CYP26C1: variants seen among roughly 807,000 people sequenced by gnomAD.
CYP26C1 encodes cytochrome P450 26C1.
Under a neutral mutation model 39.1 loss-of-function variants are expected in CYP26C1, and 41 were observed. The observed-to-expected ratio is 1.05, with a 90% confidence interval of 0.82 to 1.36. The LOEUF (loss-of-function observed/expected upper bound fraction) is 1.36, where lower values mean the gene tolerates loss of function less well. Ranked by LOEUF, CYP26C1 falls within the 40% of genes most tolerant of loss-of-function variation. The pLI, the probability that CYP26C1 is intolerant of heterozygous loss-of-function variation, is 0.00. For missense variants in CYP26C1, 833 were observed against 752.0 expected (o/e 1.11, Z -1.26); for synonymous variants, 362 against 350.8 (o/e 1.03, Z -0.36).
In CYP26C1 at chr10:93,068,595, C is replaced by G. The variant is rs771586164; in HGVS notation, c.1467C>G (p.Phe489Leu). 10 of 1,597,662 alleles carry G rather than the reference C, an allele frequency of 6.3e-6. No homozygotes were observed. The highest frequency in any genetic ancestry group is 6.8e-6 in the Non-Finnish European group (8 of 1,172,890). The change falls in exon 6 of 6, where the codon TTC becomes TTG. Residue 489 changes from phenylalanine (F) to leucine (L), a missense_variant. Physicochemically the swap from Phe to Leu is conservative, Grantham distance 22 (BLOSUM62 0). Transcript: ENST00000651965. ...GCTGGGAACTGGCCACACCCGCCTT[C>G]CCCGCCATGCAGACGGTGCCCATCG... ...TARWELATPA[F>L]PAMQTVPIVH...
chr10:93,062,246 CG>C lies in CYP26C1; in HGVS notation c.429+15del. 2 of 1,514,214 alleles carry C rather than the reference CG, an allele frequency of 1.3e-6. No individual in the cohort carries two copies. The highest frequency in any genetic ancestry group is 1.8e-6 in the Non-Finnish European group (2 of 1,134,972). The allele number at this position is 1,514,214 out of a possible 1,614,324, so 93.8% of individuals were successfully genotyped here. A position where few individuals can be genotyped will look rare whatever the true frequency, so the allele number is the denominator to read the frequency against. On this transcript the variant is annotated intron_variant, in intron 2 of 5. Coordinates refer to ENST00000651965, the MANE Select transcript of CYP26C1 (RefSeq NM_183374.3). Reference sequence around the variant, plus strand: ...GGCGGCGGCGCAAGGTGAGTGGAAACGGGAATGGACCGTAGATACGTCGGAT... The same window carrying C: ...GGCGGCGGCGCAAGGTGAGTGGAAACGGAATGGACCGTAGATACGTCGGAT...
Position 93,068,364 on chromosome 10 carries a change from G to A in CYP26C1, c.1236G>A (p.Arg412=), listed in dbSNP as rs1426479990. 1.9e-6 allele frequency: 3 copies of A among 1,568,402 alleles called. No homozygotes were observed. Among genetic ancestry groups the A allele is most frequent in the Non-Finnish European group, 2.6e-6 (3 of 1,159,984 alleles). The change falls in exon 6 of 6, where the codon CGG becomes CGA. Residue 412 remains arginine, a synonymous_variant. Transcript: ENST00000651965. ...PKGWSVMYSI[R]DTHETAAVYR... Reference sequence around the variant, plus strand: ...GCTGGAGCGTGATGTATAGCATCCGGGACACGCACGAGACGGCTGCGGTGT... The same window carrying A: ...GCTGGAGCGTGATGTATAGCATCCGAGACACGCACGAGACGGCTGCGGTGT...
chr10:93,062,266 G>A (rs1320513183), intron 2 of CYP26C1, 32 bp downstream of exon 2: 2 of 1,492,996 alleles, frequency 1.3e-6, no homozygotes, highest in Non-Finnish European at 1.8e-6. Context: ...CCGTAGATAC[G>A]TCGGATCCGC....
chr10:93,062,612 C>T (rs1362568701), intron 2 of CYP26C1, 108 bp from the exon 3 acceptor site: 1 of 1,047,508 alleles, frequency 9.5e-7, no homozygotes, highest in Non-Finnish European at 1.3e-6. Context: ...TAGGTCTGGG[C>T]CGCTTGGAAG....
rs1010637930 is a variant in CYP26C1, at chr10:93,067,906, T to C, written c.1192-414T>C. ...CTCGAGGAATTGTCATGTGCATTTTTCCCACTCTAGCAGCTGGGAGGTGTA... is the reference window on the plus strand; with the variant it reads ...CTCGAGGAATTGTCATGTGCATTTTCCCCACTCTAGCAGCTGGGAGGTGTA... On this transcript the variant is annotated intron_variant, in intron 5 of 5. Transcript: ENST00000651965. Among the ~76,000 whole-genome samples, 15 of 152,202 alleles carry C rather than the reference T, an allele frequency of 9.9e-5. 1 individual carries two copies. The highest frequency in any genetic ancestry group is 9.8e-4 in the Admixed American group (15 of 15,286).
At chr10:93,067,932 G>A (rs953040913) in intron 5 of CYP26C1, among the ~76,000 whole-genome samples, 2 of 152,146 alleles carry the variant, frequency 1.3e-5, no homozygotes, top group African/African-American at 4.8e-5. Context: ...GGGAGGTGTA[G>A]CACTAGAATT....
intron 1 of CYP26C1, 133 bp from the exon 2 acceptor site, chr10:93,061,877 C>G: frequency 1.2e-6 from 1 of 807,252 alleles, no homozygotes; most frequent in Non-Finnish European, 2.0e-6. Context: ...ATACCAGGCC[C>G]ACTGGGGATC....
chr10:93,062,851 G>T lies in CYP26C1; in HGVS notation c.561G>T (p.Ala187=). 1 of 1,598,128 alleles carries T rather than the reference G, an allele frequency of 6.3e-7. No individual in the cohort carries two copies. The highest frequency in any genetic ancestry group is 8.5e-7 in the Non-Finnish European group (1 of 1,177,270). ...GPVSVYDASK[A]LTFRMAARIL... Reference sequence around the variant, plus strand: ...TCTCAGTCTACGACGCCTCCAAAGCGCTCACCTTCCGCATGGCCGCGCGCA... The same window carrying T: ...TCTCAGTCTACGACGCCTCCAAAGCTCTCACCTTCCGCATGGCCGCGCGCA... The change falls in exon 3 of 6, where the codon GCG becomes GCT. Residue 187 remains alanine, a synonymous_variant. Transcript: ENST00000651965.
chr10:93,067,884 G>A (rs1204555663), intron 5 of CYP26C1, among the ~76,000 whole-genome samples: 1 of 152,164 alleles, frequency 6.6e-6, no homozygotes, highest in Non-Finnish European at 1.5e-5. Context: ...AACTGACCTC[G>A]AGGAATTGTC....
At chr10:93,063,398 C>G in intron 3 of CYP26C1, 3 of 1,004,352 alleles carry the variant, frequency 3.0e-6, no homozygotes, top group Non-Finnish European at 3.6e-6. Context: ...CCGAGGAGAG[C>G]GTGAGGGCTG....
At position 93,068,695 on chromosome 10, in the gene CYP26C1, T is replaced by C. The variant is rs142461768; in HGVS notation, c.1567T>C (p.Ter523ArgextTer27). The change falls in exon 6 of 6, where the codon TGA becomes CGA. Residue 523 changes from the stop codon to arginine (R), a stop_lost. Coordinates refer to ENST00000651965, the MANE Select transcript of CYP26C1 (RefSeq NM_183374.3). ...PSVAGNGLCL[*>R] ...GGTTGCGGGGAATGGGCTATGCCTC[T>C]GACATGCTTGCGCTCTAGGACACGG... The C allele has an allele frequency of 2.2e-5, 34 of 1,539,732 alleles. No homozygotes were observed. The highest frequency in any genetic ancestry group is 2.7e-5 in the Non-Finnish European group (31 of 1,140,142).
chr10:93,064,631 C>G (rs1846800043), intron 4 of CYP26C1, 95 bp downstream of exon 4: 10 of 1,515,486 alleles, frequency 6.6e-6, no homozygotes, highest in Non-Finnish European at 8.0e-6. Flanking sequence ...CTTGTGTGGC[C>G]CCACTTTGAG....
At chr10:93,063,221 T>A in intron 3 of CYP26C1, 4 of 1,251,722 alleles carry the variant, frequency 3.2e-6, no homozygotes, top group Non-Finnish European at 4.0e-6. Flanking sequence ...CCACACGACC[T>A]CCGTGGGACG....
At position 93,068,359 on chromosome 10, in the gene CYP26C1, A is replaced by G; in HGVS notation, c.1231A>G (p.Ile411Val). 6.4e-7 allele frequency: 1 copy of G among 1,564,494 alleles called. No homozygotes were observed. Among genetic ancestry groups the G allele is most frequent in the Non-Finnish European group, 8.6e-7 (1 of 1,157,870 alleles). The change falls in exon 6 of 6, where the codon ATC becomes GTC. Residue 411 changes from isoleucine to valine, a missense_variant. Ile to Val is a conservative substitution (Grantham distance 29). Coordinates refer to ENST00000651965, the MANE Select transcript of CYP26C1 (RefSeq NM_183374.3). ...CAAGGGCTGGAGCGTGATGTATAGC[A>G]TCCGGGACACGCACGAGACGGCTGC... The part of the protein sequence containing the change: ...IPKGWSVMYS[I>V]RDTHETAAVY...
Position 93,063,004 on chromosome 10 carries a change from G to A in CYP26C1, c.705+9G>A. On this transcript the variant is annotated intron_variant, in intron 3 of 5. Coordinates refer to ENST00000651965, the MANE Select transcript of CYP26C1 (RefSeq NM_183374.3). ...TCAGTGGCCTACGCAAGGTACGGCC[G>A]CCCCGGCTCCAGACCTTCCTCCGAG... The A allele has an allele frequency of 1.3e-6, 2 of 1,547,986 alleles. No homozygotes were observed. The highest frequency in any genetic ancestry group is 1.2e-5 in the South Asian group (1 of 85,188).
In CYP26C1 at chr10:93,062,842, C is replaced by G. The variant is rs994508485; in HGVS notation, c.552C>G (p.Ala184=). The G allele has an allele frequency of 6.3e-7, 1 of 1,593,098 alleles. No individual in the cohort carries two copies. Among genetic ancestry groups the G allele is most frequent in the South Asian group, 1.1e-5 (1 of 89,804 alleles). Residue 184 remains alanine (A), a synonymous_variant, in exon 3 of 6, where the codon GCC becomes GCG. Coordinates refer to ENST00000651965, the MANE Select transcript of CYP26C1 (RefSeq NM_183374.3). The part of the protein sequence containing the change: ...AAGGPVSVYD[A]SKALTFRMAA... Reference sequence around the variant, plus strand: ...GCGGGCCGGTCTCAGTCTACGACGCCTCCAAAGCGCTCACCTTCCGCATGG... The same window carrying G: ...GCGGGCCGGTCTCAGTCTACGACGCGTCCAAAGCGCTCACCTTCCGCATGG...
Position 93,064,375 on chromosome 10 carries a change from C to T in CYP26C1, c.706-6C>T, listed in dbSNP as rs1339566155. ...GCCCCATCTTTCTTCTCTCCCTGAA[C>T]ATCAGGGCATCCGGGCAAGGGACCA... On this transcript the variant is annotated splice_polypyrimidine_tract_variant and splice_region_variant and intron_variant, in intron 3 of 5. Transcript: ENST00000651965. 1 of 1,612,096 alleles carries T rather than the reference C, an allele frequency of 6.2e-7. No individual in the cohort carries two copies. The highest frequency in any genetic ancestry group is 1.7e-4 in the Middle Eastern group (1 of 6,048).
intron 5 of CYP26C1, 63 bp downstream of exon 5, chr10:93,066,348 TGCCGCC>T: frequency 6.5e-6 from 8 of 1,233,630 alleles, no homozygotes; most frequent in Non-Finnish European, 8.1e-6. Flanking sequence ...GCCTGCCGCC[TGCCGCC>T]TGCCGCGGCG....
Position 93,066,040 on chromosome 10 carries a change from C to A in CYP26C1, c.946C>A (p.Pro316Thr). 1 of 1,541,062 alleles carries A rather than the reference C, an allele frequency of 6.5e-7. No individual in the cohort carries two copies. Among genetic ancestry groups the A allele is most frequent in the Admixed American group, 2.0e-5 (1 of 50,948 alleles). The change falls in exon 5 of 6, where the codon CCG becomes ACG. Residue 316 changes from proline to threonine, a missense_variant. Pro to Thr is a conservative substitution (Grantham distance 38, BLOSUM62 -1). Transcript: ENST00000651965. Reference sequence around the variant, plus strand: ...GCTCGTCCTGCTGCTACTGCAGCATCCGGCGGCCATCGCCAAGATTCGGGA... The same window carrying A: ...GCTCGTCCTGCTGCTACTGCAGCATACGGCGGCCATCGCCAAGATTCGGGA... ...TSLVLLLLQH[P>T]AAIAKIREEL...
Sources: gnomAD v4.1 joint callset for allele counts (sites outside exome capture counted in the v4.1 genomes callset) on GRCh38, gnomAD v4.1.1 for gene constraint, MANE v1.5 for transcripts, NCBI Gene and HGNC (gene_info 2026-07-23, HGNC 2026-07-21) for gene names.